ZDHHC14: variants seen among roughly 807,000 people sequenced by gnomAD.
ZDHHC14 encodes palmitoyltransferase ZDHHC14.
In ZDHHC14, 16 loss-of-function variants were observed where a neutral mutation model predicts 47.7. The observed-to-expected ratio is 0.34, with a 90% CI of 0.23 to 0.51. ZDHHC14 has a LOEUF of 0.51. Among genes scored for constraint, ZDHHC14 ranks in the 20% least tolerant of loss-of-function variants. ZDHHC14 has a pLI of 0.97. For missense variants in ZDHHC14, 515 were observed against 662.5 expected, an observed-to-expected ratio of 0.78 and a Z score of 2.44; for synonymous variants, 293 against 278.9, an observed-to-expected ratio of 1.05 and a Z score of -0.50.
At chr6:157,589,121 GAGGAAGGAAAAGAGAA>G (rs1278871021) in intron 2 of ZDHHC14, among the ~76,000 whole-genome samples, 1 of 152,126 alleles carries the variant, frequency 6.6e-6, no homozygotes, top group Non-Finnish European at 1.5e-5. Context: ...TACAATCATG[GAGGAAGGAAAAGAGAA>G]AGGAAGGAAA....
Position 157,653,381 on chromosome 6 carries a change from A to C in ZDHHC14, c.966-144A>C. ...AGAATTTGGTCACTGATTATACACG[A>C]AAGTGAGGAGAGGCATAGTCTAAGT... On this transcript the variant is annotated intron_variant, in intron 7 of 8. Transcript: ENST00000359775. The C allele has an allele frequency of 4.1e-6, 3 of 725,660 alleles. No homozygotes were observed. The South Asian group carries it at 5.1e-5, about 12-fold the overall frequency. The allele number at this position is 725,660 out of a possible 1,614,324, so 45.0% of individuals were successfully genotyped here. A position where few individuals can be genotyped will look rare whatever the true frequency, so the allele number is the denominator to read the frequency against.
chr6:157,612,007 A>G (rs1320653002), intron 3 of ZDHHC14, among the ~76,000 whole-genome samples: 1 of 151,812 alleles, frequency 6.6e-6, no homozygotes, highest in Non-Finnish European at 1.5e-5. Flanking sequence ...ACTTGGGGAG[A>G]TAAAAGCACC....
chr6:157,425,759 T>C (rs1163240352), intron 1 of ZDHHC14, among the ~76,000 whole-genome samples: 1 of 152,180 alleles, frequency 6.6e-6, no homozygotes, highest in Non-Finnish European at 1.5e-5. Context: ...CTGTTTCCCC[T>C]GCAGCCTCAT....
intron 1 of ZDHHC14, among the ~76,000 whole-genome samples, chr6:157,472,656 C>G (rs561140041): frequency 2.0e-5 from 3 of 152,152 alleles, no homozygotes; most frequent in Non-Finnish European, 2.9e-5. Flanking sequence ...CAAGATGCTA[C>G]TTTTTGTATG....
chr6:157,611,190 G>A (rs1396750137), intron 3 of ZDHHC14, among the ~76,000 whole-genome samples: 1 of 152,092 alleles, frequency 6.6e-6, no homozygotes, highest in Admixed American at 6.5e-5. Context: ...AGTAGAGACA[G>A]GGTTTCACCA....
At chr6:157,611,561 C>T (rs1318688622) in intron 3 of ZDHHC14, among the ~76,000 whole-genome samples, 1 of 152,182 alleles carries the variant, frequency 6.6e-6, no homozygotes, top group Non-Finnish European at 1.5e-5. Flanking sequence ...TGATACTCAA[C>T]TGCAGTGTCA....
At chr6:157,532,951 A>G (rs899388981) in intron 1 of ZDHHC14, among the ~76,000 whole-genome samples, 13 of 152,226 alleles carry the variant, frequency 8.5e-5, no homozygotes, top group African/African-American at 2.9e-4. Flanking sequence ...TTTTAATAAC[A>G]TATTTCTCTA....
intron 2 of ZDHHC14, among the ~76,000 whole-genome samples, chr6:157,588,769 G>T (rs1026399618): frequency 3.3e-5 from 5 of 152,170 alleles, no homozygotes; most frequent in Non-Finnish European, 5.9e-5. Context: ...ACATAGGAAT[G>T]TGTGGACTGG....
At chr6:157,395,243 C>T (rs1433354218) in intron 1 of ZDHHC14, among the ~76,000 whole-genome samples, 3 of 151,682 alleles carry the variant, frequency 2.0e-5, no homozygotes, top group Non-Finnish European at 2.9e-5. Flanking sequence ...TTACCACAGC[C>T]GTGACCTGCT....
At chr6:157,652,418 G>A (rs1241183023) in intron 7 of ZDHHC14, among the ~76,000 whole-genome samples, 1 of 152,180 alleles carries the variant, frequency 6.6e-6, no homozygotes, top group Non-Finnish European at 1.5e-5. Context: ...GGAAGATTCT[G>A]CGCTGTGGGT....
intron 7 of ZDHHC14, among the ~76,000 whole-genome samples, chr6:157,653,310 CGAG>C (rs1234513388): frequency 6.6e-6 from 1 of 151,908 alleles, no homozygotes; most frequent in Non-Finnish European, 1.5e-5. Flanking sequence ...CTTGGCCTGG[CGAG>C]GAGGCAGGCC....
At chr6:157,426,875 C>G (rs911074583) in intron 1 of ZDHHC14, among the ~76,000 whole-genome samples, 1 of 152,194 alleles carries the variant, frequency 6.6e-6, no homozygotes, top group Non-Finnish European at 1.5e-5. Context: ...TCCGTGGAAA[C>G]GGAGACTTCA....
At chr6:157,558,159 G>A (rs950574153) in intron 2 of ZDHHC14, among the ~76,000 whole-genome samples, 6 of 152,096 alleles carry the variant, frequency 3.9e-5, no homozygotes, top group Admixed American at 3.3e-4. Context: ...AAATCTTTGA[G>A]ATCTAGCCAC....
chr6:157,385,377 C>T (rs536299548), intron 1 of ZDHHC14, among the ~76,000 whole-genome samples: 1 of 152,372 alleles, frequency 6.6e-6, no homozygotes, highest in East Asian at 1.9e-4. Context: ...GCCACCGCAC[C>T]TGGCTATCAT....
intron 1 of ZDHHC14, among the ~76,000 whole-genome samples, chr6:157,443,796 G>C (rs1399276773): frequency 6.6e-6 from 1 of 152,168 alleles, no homozygotes; most frequent in African/African-American, 2.4e-5. Flanking sequence ...CTTACTAGCT[G>C]CATGACTTTG....
At chr6:157,392,180 A>T (rs1041185818) in intron 1 of ZDHHC14, among the ~76,000 whole-genome samples, 1 of 152,168 alleles carries the variant, frequency 6.6e-6, no homozygotes, top group Non-Finnish European at 1.5e-5. Context: ...CTTTTATGTG[A>T]TATTAAAATA....
chr6:157,626,603 C>G (rs1336912915), intron 3 of ZDHHC14, among the ~76,000 whole-genome samples: 1 of 152,156 alleles, frequency 6.6e-6, no homozygotes, highest in Non-Finnish European at 1.5e-5. Context: ...TGCACAGCCT[C>G]CCCCATTATC....
chr6:157,605,905 G>T (rs531131978), intron 3 of ZDHHC14, among the ~76,000 whole-genome samples: 91 of 152,272 alleles, frequency 6.0e-4, no homozygotes, highest in South Asian at 1.5e-3. Flanking sequence ...AGTAGAGAAG[G>T]TAACCATCTG....
At chr6:157,551,314 C>A (rs1782221519) in intron 2 of ZDHHC14, among the ~76,000 whole-genome samples, 1 of 152,168 alleles carries the variant, frequency 6.6e-6, no homozygotes, top group Non-Finnish European at 1.5e-5. Flanking sequence ...CCCTGGACAA[C>A]TCCTTTGGTT....
Sources: gnomAD v4.1 joint callset for allele counts (sites outside exome capture counted in the v4.1 genomes callset) on GRCh38, gnomAD v4.1.1 for gene constraint, MANE v1.5 for transcripts, NCBI Gene and HGNC (gene_info 2026-07-23, HGNC 2026-07-21) for gene names.